GALNT13: variants seen among roughly 807,000 people sequenced by gnomAD.
The protein encoded by GALNT13 is UDP-GalNAc:polypeptide N-acetylgalactosaminyltransferase 13.
GALNT13 carries 28 observed loss-of-function variants against 64.2 expected under a neutral mutation model. The observed-to-expected ratio is 0.44, with a 90% CI of 0.32 to 0.60. The LOEUF is 0.60. Among genes scored for constraint, GALNT13 ranks in the 20% least tolerant of loss-of-function variants. GALNT13 has a pLI of 0.05. For missense variants in GALNT13, 577 were observed against 669.8 expected (o/e 0.86, Z 1.53); for synonymous variants, 214 against 224.6 (o/e 0.95, Z 0.42).
At chr2:153,268,325 G>A in the GALNT13 span, among the ~76,000 whole-genome samples, 2 of 152,200 alleles carry the variant, frequency 1.3e-5, no homozygotes, top group Non-Finnish European at 2.9e-5. Context: ...CATTAAGGCA[G>A]TCATTAAACC....
At chr2:154,122,669 T>C (rs1051218719) in intron 3 of GALNT13, among the ~76,000 whole-genome samples, 11 of 152,012 alleles carry the variant, frequency 7.2e-5, no homozygotes, top group African/African-American at 2.4e-4. Flanking sequence ...TTTTGATAGT[T>C]TTGTGTGTTT....
the GALNT13 span, among the ~76,000 whole-genome samples, chr2:153,812,636 C>T: frequency 6.6e-6 from 1 of 152,134 alleles, no homozygotes; most frequent in African/African-American, 2.4e-5. Context: ...TAGCTGTGGC[C>T]ATTCCTACAG....
chr2:154,204,567 A>C (rs930658930), intron 4 of GALNT13, among the ~76,000 whole-genome samples: 3 of 152,212 alleles, frequency 2.0e-5, no homozygotes, highest in African/African-American at 7.2e-5. Context: ...ACCACATTCC[A>C]TCTTCCACAG....
chr2:154,110,969 GAT>G (rs1163629370), intron 3 of GALNT13, among the ~76,000 whole-genome samples: 1 of 152,056 alleles, frequency 6.6e-6, no homozygotes, highest in Non-Finnish European at 1.5e-5. Flanking sequence ...CTTAAATACT[GAT>G]ATAAAGTCAA....
the GALNT13 span, among the ~76,000 whole-genome samples, chr2:153,565,091 G>A: frequency 6.6e-6 from 1 of 152,152 alleles, no homozygotes; most frequent in East Asian, 1.9e-4. Flanking sequence ...AGCTGAAGTG[G>A]AGTACCCATC....
At chr2:153,971,911 A>G (rs531865004) in intron 3 of GALNT13, among the ~76,000 whole-genome samples, 6 of 152,252 alleles carry the variant, frequency 3.9e-5, no homozygotes, top group African/African-American at 1.4e-4. Context: ...GATTGAGATG[A>G]GATCATACAC....
At chr2:153,905,890 A>G (rs562152541) in intron 2 of GALNT13, among the ~76,000 whole-genome samples, 3 of 152,092 alleles carry the variant, frequency 2.0e-5, no homozygotes, top group East Asian at 1.9e-4. Context: ...TTAGCAATCA[A>G]TCTGATAACC....
chr2:153,301,309 C>CACAAAAAAAAA, the GALNT13 span, among the ~76,000 whole-genome samples: 1 of 76,432 alleles, frequency 1.3e-5, no homozygotes, highest in African/African-American at 6.7e-5. Context: ...GACTCCTTCT[C>CACAAAAAAAAA]AAAAAAAAAG....
chr2:153,815,214 G>A, the GALNT13 span, among the ~76,000 whole-genome samples: 7 of 152,146 alleles, frequency 4.6e-5, no homozygotes, highest in African/African-American at 1.7e-4. Flanking sequence ...GAGAGATGAT[G>A]TTATTTATAT....
intron 3 of GALNT13, among the ~76,000 whole-genome samples, chr2:154,017,174 A>G (rs985510472): frequency 3.3e-5 from 5 of 152,202 alleles, no homozygotes; most frequent in Admixed American, 1.3e-4. Context: ...TTTTTCATCT[A>G]TAAAATGAGA....
chr2:153,187,319 G>C, the GALNT13 span: 1 of 152,178 alleles, frequency 6.6e-6, no homozygotes, highest in Non-Finnish European at 1.5e-5. Context: ...TGCTAGAAAA[G>C]CTGGGTGTTC....
At chr2:153,338,180 C>T in the GALNT13 span, among the ~76,000 whole-genome samples, 50 of 152,196 alleles carry the variant, frequency 3.3e-4, no homozygotes, top group African/African-American at 1.2e-3. Context: ...GTAGTCCTAG[C>T]TACTCTGGAG....
chr2:154,443,260 T>C (rs1213299807), intron 12 of GALNT13, among the ~76,000 whole-genome samples: 2 of 152,144 alleles, frequency 1.3e-5, no homozygotes, highest in African/African-American at 4.8e-5. Flanking sequence ...TAGCGTCATA[T>C]TTGTAGTTCC....
At chr2:153,152,298 G>A in the GALNT13 span, among the ~76,000 whole-genome samples, 1,144 of 152,134 alleles carry the variant, frequency 7.5e-3, 14 homozygotes, top group Middle Eastern at 0.034. Context: ...GGAGATGGCC[G>A]TGGTAGTGGT....
At chr2:154,145,086 ATC>A (rs1558984495) in intron 4 of GALNT13, among the ~76,000 whole-genome samples, 10 of 119,212 alleles carry the variant, frequency 8.4e-5, no homozygotes, top group South Asian at 2.9e-4. Context: ...CTATCTATCT[ATC>A]TATCTATCTA....
intron 9 of GALNT13, among the ~76,000 whole-genome samples, chr2:154,362,020 C>T (rs563795094): frequency 1.3e-5 from 2 of 152,170 alleles, no homozygotes; most frequent in Non-Finnish European, 2.9e-5. Context: ...CTACTGAGCC[C>T]AGTCCCATGG....
chr2:154,008,162 T>A (rs1183987110), intron 3 of GALNT13, among the ~76,000 whole-genome samples: 1 of 151,942 alleles, frequency 6.6e-6, no homozygotes, highest in East Asian at 1.9e-4. Flanking sequence ...TGAATAGGAG[T>A]GGTGGGAGTG....
chr2:153,331,931 A>G, the GALNT13 span, among the ~76,000 whole-genome samples: 1 of 151,982 alleles, frequency 6.6e-6, no homozygotes, highest in Admixed American at 6.6e-5. Context: ...GAATTTATCT[A>G]TTTACTCTAA....
chr2:153,487,538 T>C, the GALNT13 span, among the ~76,000 whole-genome samples: 1 of 152,198 alleles, frequency 6.6e-6, no homozygotes, highest in African/African-American at 2.4e-5. Flanking sequence ...AGTCTCTGCC[T>C]TCCAGAAATT....
Sources: gnomAD v4.1 joint callset for allele counts (sites outside exome capture counted in the v4.1 genomes callset) on GRCh38, gnomAD v4.1.1 for gene constraint, MANE v1.5 for transcripts, NCBI Gene and HGNC (gene_info 2026-07-23, HGNC 2026-07-21) for gene names.